The following TBC1D1 variants were observed in gnomAD, a reference collection of about 807,000 sequenced individuals.
TBC1D1 encodes the protein TBC1 (tre-2/USP6, BUB2, cdc16) domain family, member 1.
A neutral mutation model predicts 125.6 loss-of-function variants in TBC1D1; 89 were observed. That is an observed-to-expected ratio of 0.71 (90% confidence interval 0.60 to 0.85). The LOEUF is 0.85. TBC1D1 is among the 40% of genes least tolerant of loss of function. The probability of loss-of-function intolerance (pLI) is 0.00; values close to 1 mark genes in which losing one functional copy is unlikely to be tolerated. For synonymous variants in TBC1D1, 565 were observed against 564.1 expected, an observed-to-expected ratio of 1.00 and a Z score of -0.02; for missense variants, 1,377 against 1,469.2, an observed-to-expected ratio of 0.94 and a Z score of 1.03.
intron 12 of TBC1D1, chr4:38,060,688 C>A (rs1399640015): frequency 2.4e-6 from 3 of 1,262,664 alleles, no homozygotes; most frequent in Admixed American, 2.3e-5. Context: ...TCTCATCTGT[C>A]AGATGAAGAC....
intron 19 of TBC1D1, among the ~76,000 whole-genome samples, chr4:38,135,958 A>G (rs980324992): frequency 2.1e-5 from 3 of 142,858 alleles, no homozygotes; most frequent in South Asian, 2.3e-4. Flanking sequence ...GTGTGTATAT[A>G]TGTGTATATA....
intron 13 of TBC1D1, among the ~76,000 whole-genome samples, chr4:38,091,712 A>C (rs1758456214): frequency 6.6e-6 from 1 of 152,228 alleles, no homozygotes; most frequent in Non-Finnish European, 1.5e-5. Flanking sequence ...GTGAGGCAAA[A>C]CCAGTGTGCC....
chr4:37,972,513 C>T lies in TBC1D1; in HGVS notation c.418-41996C>T, dbSNP rs187886035. Among the ~76,000 whole-genome samples the T allele has an allele frequency of 7.6e-4, 115 of 151,108 alleles. 1 individual carries two copies. Among genetic ancestry groups the T allele is most frequent in the African/African-American group, 2.6e-3 (108 of 41,178 alleles). The stretch of plus-strand genomic sequence containing the variant: ...AAAAAAAAAAAAAGATTACTGATGC[C>T]CAGTATACGTACAATCCTTTCAGGG... On this transcript the variant is annotated intron_variant, in intron 2 of 19. Transcript: ENST00000261439.
intron 1 of TBC1D1, among the ~76,000 whole-genome samples, chr4:37,898,373 G>C (rs1246397160): frequency 6.6e-6 from 1 of 152,198 alleles, no homozygotes; most frequent in Non-Finnish European, 1.5e-5. Context: ...CAAGGATGGA[G>C]ACTGTTGGTA....
intron 15 of TBC1D1, among the ~76,000 whole-genome samples, chr4:38,109,069 T>A (rs1387308937): frequency 6.6e-6 from 1 of 152,188 alleles, no homozygotes; most frequent in African/African-American, 2.4e-5. Flanking sequence ...TTCTCTTCCA[T>A]CTTTGAGTTG....
intron 15 of TBC1D1, among the ~76,000 whole-genome samples, chr4:38,107,419 A>G (rs1219755468): frequency 6.6e-6 from 1 of 152,250 alleles, no homozygotes; most frequent in African/African-American, 2.4e-5. Flanking sequence ...TGTAGTATAA[A>G]GCAAAATCAA....
At chr4:38,051,993 C>A (rs961660280) in intron 11 of TBC1D1, 7 of 1,550,888 alleles carry the variant, frequency 4.5e-6, no homozygotes, top group Non-Finnish European at 6.1e-6. Context: ...CGCCTCCTCG[C>A]CAAACTTTTT....
chr4:38,017,314 TAG>T (rs1209571493), intron 3 of TBC1D1, among the ~76,000 whole-genome samples: 1 of 152,230 alleles, frequency 6.6e-6, no homozygotes, highest in Non-Finnish European at 1.5e-5. Context: ...GCTCCTACTC[TAG>T]AGAGAGACAC....
chr4:37,988,898 C>T (rs981648985), intron 2 of TBC1D1, among the ~76,000 whole-genome samples: 7 of 152,152 alleles, frequency 4.6e-5, no homozygotes, highest in African/African-American at 1.7e-4. Context: ...AACTGACCAG[C>T]GTAAACATTA....
intron 2 of TBC1D1, among the ~76,000 whole-genome samples, chr4:37,929,268 A>G (rs1458967276): frequency 6.6e-6 from 1 of 152,244 alleles, no homozygotes; most frequent in Non-Finnish European, 1.5e-5. Flanking sequence ...ATTTATAAGT[A>G]TATATAAGAT....
chr4:37,995,051 T>C lies in TBC1D1; in HGVS notation c.418-19458T>C, dbSNP rs1010914179. Among the ~76,000 whole-genome samples, 1 of 152,212 alleles carries C rather than the reference T, an allele frequency of 6.6e-6. No individual in the cohort carries two copies. The highest frequency in any genetic ancestry group is 2.4e-5 in the African/African-American group (1 of 41,436). ...GTATTTTTTTATTTTTGTATTTTCA[T>C]CCTATTAGCCAATTTATTTTTGTAG... On this transcript the variant is annotated intron_variant, in intron 2 of 19. Coordinates refer to ENST00000261439, the MANE Select transcript of TBC1D1 (RefSeq NM_015173.4). The surrounding 1 kb of genome is among the most constrained non-coding windows in gnomAD (Gnocchi z 4.3).
chr4:38,053,066 GTTTC>G, intron 11 of TBC1D1, 36 bp from the exon 13 acceptor site: 2 of 1,316,150 alleles, frequency 1.5e-6, no homozygotes, highest in Non-Finnish European at 2.0e-6. Context: ...GTGTTTTTAT[GTTTC>G]TTTATCCTAA....
intron 18 of TBC1D1, among the ~76,000 whole-genome samples, chr4:38,130,766 A>G (rs1765457014): frequency 6.6e-6 from 1 of 152,190 alleles, no homozygotes; most frequent in African/African-American, 2.4e-5. Flanking sequence ...AAGTGTATAT[A>G]TCTTGTTTTC....
rs2152472158 is a variant in TBC1D1, at chr4:38,045,873, C to T, written c.1599C>T (p.Ser533=). Reference sequence around the variant, plus strand: ...CCATCAGTGTGGATCTGGATAGCTCCCTGTCTAGTACATTAAGTAACACCA... The same window carrying T: ...CCATCAGTGTGGATCTGGATAGCTCTCTGTCTAGTACATTAAGTAACACCA... The change falls in exon 10 of 20, where the codon TCC becomes TCT. Residue 533 remains serine (S), a synonymous_variant. Transcript: ENST00000261439. 1 of 1,614,044 alleles carries T rather than the reference C, an allele frequency of 6.2e-7. No homozygotes were observed. Among genetic ancestry groups the T allele is most frequent in the Non-Finnish European group, 8.5e-7 (1 of 1,179,984 alleles).
chr4:38,088,816 A>G (rs1317981391), intron 12 of TBC1D1, among the ~76,000 whole-genome samples: 1 of 152,200 alleles, frequency 6.6e-6, no homozygotes, highest in Non-Finnish European at 1.5e-5. Context: ...CACAAAATCA[A>G]TAATGACAGA....
In TBC1D1 at chr4:38,066,972, G is replaced by A. The variant is rs181321718; in HGVS notation, c.2050+12634G>A. 5.9e-4 allele frequency among the ~76,000 whole-genome samples: 89 copies of A among 152,096 alleles called. No homozygotes were observed. In the East Asian group the frequency reaches 0.015, roughly 26 times the overall value. The stretch of plus-strand genomic sequence containing the variant: ...GCTCACTGCAACCTCCGCCTCCTGG[G>A]TTCAAGCGATTCTCCTGCCTCAGCC... On this transcript the variant is annotated intron_variant, in intron 12 of 19. Transcript: ENST00000261439.
chr4:38,093,654 A>AGCAGG (rs71190952), intron 13 of TBC1D1, among the ~76,000 whole-genome samples: 2 of 151,574 alleles, frequency 1.3e-5, no homozygotes, highest in Admixed American at 6.6e-5. Context: ...CCTCCAGAGT[A>AGCAGG]GATTACAGGC....
rs1395547141 is a variant in TBC1D1 at position 38,103,119 on chromosome 4, A to G, written c.2519A>G (p.Gln840Arg). 1.2e-6 allele frequency: 2 copies of G among 1,613,706 alleles called. No homozygotes were observed. The highest frequency in any genetic ancestry group is 1.7e-6 in the Non-Finnish European group (2 of 1,179,912). The stretch of plus-strand genomic sequence containing the variant: ...GTGCCATACAAAGAACTCTTAAAGC[A>G]GCTGACTTCCCAGCAGCATGCGATT... The change falls in exon 15 of 20, where the codon CAG (glutamine) becomes CGG (arginine). Residue 840 changes from glutamine (Q) to arginine (R), a missense_variant. Transcript: ENST00000261439.
At chr4:38,050,131 A>G (rs939273041) in intron 11 of TBC1D1, among the ~76,000 whole-genome samples, 5 of 152,200 alleles carry the variant, frequency 3.3e-5, no homozygotes, top group African/African-American at 1.2e-4. Flanking sequence ...GGTACCTAAC[A>G]TGCATAGTCA....
Sources: allele counts gnomAD v4.1 joint callset (sites outside exome capture counted in the v4.1 genomes callset), GRCh38; gene constraint gnomAD v4.1.1; non-coding constraint Gnocchi (gnomAD v3.1); transcripts MANE v1.5; gene names NCBI Gene and HGNC (gene_info 2026-07-23, HGNC 2026-07-21).